SCHIP1: variants seen among roughly 807,000 people sequenced by gnomAD.
The protein encoded by SCHIP1 is schwannomin-interacting protein 1.
SCHIP1 carries 8 observed loss-of-function variants against 29.7 expected under a neutral mutation model. That is an observed-to-expected ratio of 0.27 (90% confidence interval 0.16 to 0.49). The LOEUF is 0.49. SCHIP1 is among the 20% of genes least tolerant of loss of function. SCHIP1 has a pLI of 0.99. For synonymous variants in SCHIP1, 76 were observed against 94.9 expected, an observed-to-expected ratio of 0.80 and a Z score of 1.16; for missense variants, 193 against 294.6, an observed-to-expected ratio of 0.66 and a Z score of 2.52.
the SCHIP1 span, among the ~76,000 whole-genome samples, chr3:159,759,044 G>A: frequency 6.6e-6 from 1 of 152,178 alleles, no homozygotes; most frequent in East Asian, 1.9e-4. Context: ...TCTTTTAAGT[G>A]CCATTTTGCC....
At chr3:159,422,463 TTTA>T in the SCHIP1 span, among the ~76,000 whole-genome samples, 1 of 152,212 alleles carries the variant, frequency 6.6e-6, no homozygotes, top group Non-Finnish European at 1.5e-5. Flanking sequence ...TATTAAATCT[TTTA>T]TTGACATTTG....
At chr3:159,760,151 C>CG in the SCHIP1 span, among the ~76,000 whole-genome samples, 1 of 152,136 alleles carries the variant, frequency 6.6e-6, no homozygotes, top group African/African-American at 2.4e-5. Context: ...AGTATCTATA[C>CG]TCTTCCTTTA....
At chr3:159,392,728 T>G in the SCHIP1 span, among the ~76,000 whole-genome samples, 41 of 152,160 alleles carry the variant, frequency 2.7e-4, no homozygotes, top group African/African-American at 8.9e-4. Flanking sequence ...GACATTTGGG[T>G]TGGTTCCAAG....
chr3:159,579,227 T>G, the SCHIP1 span, among the ~76,000 whole-genome samples: 3 of 152,216 alleles, frequency 2.0e-5, no homozygotes, highest in African/African-American at 7.2e-5. Flanking sequence ...GTATTGAAAA[T>G]AATGCAGAAT....
the SCHIP1 span, among the ~76,000 whole-genome samples, chr3:159,613,483 T>C: frequency 3.3e-5 from 5 of 152,396 alleles, no homozygotes; most frequent in Admixed American, 3.3e-4. Flanking sequence ...GTTATGTATA[T>C]CTGATCTCAC....
chr3:159,533,805 T>G, the SCHIP1 span, among the ~76,000 whole-genome samples: 17 of 152,328 alleles, frequency 1.1e-4, no homozygotes, highest in South Asian at 3.3e-3. Context: ...AATGTATCCC[T>G]AATTCTGGGG....
the SCHIP1 span, among the ~76,000 whole-genome samples, chr3:159,386,066 G>C: frequency 1.3e-5 from 2 of 152,148 alleles, no homozygotes; most frequent in Non-Finnish European, 2.9e-5. Context: ...TGGTGTATAT[G>C]TGCCACATTT....
At position 159,878,938 on chromosome 3, in the gene SCHIP1, A is replaced by G. The variant is rs185395944; in HGVS notation, c.150-7269A>G. Among the ~76,000 whole-genome samples the G allele has an allele frequency of 6.0e-5, 9 of 150,344 alleles. No individual in the cohort carries two copies. In the East Asian group the frequency reaches 1.7e-3, roughly 29 times the overall value. On this transcript the variant is annotated intron_variant, in intron 2 of 6. Transcript: ENST00000445224. Reference sequence around the variant, plus strand: ...AACTCTTTCACCAAAAAAAAAAAAGATGTATTTCCTGACTTTTTTTCTATG... The same window carrying G: ...AACTCTTTCACCAAAAAAAAAAAAGGTGTATTTCCTGACTTTTTTTCTATG...
chr3:159,712,101 A>T, the SCHIP1 span, among the ~76,000 whole-genome samples: 2 of 151,596 alleles, frequency 1.3e-5, no homozygotes, highest in African/African-American at 4.9e-5. Flanking sequence ...GCTACAAAAA[A>T]CCCCAAGGCA....
the SCHIP1 span, among the ~76,000 whole-genome samples, chr3:159,583,926 AG>A: frequency 6.6e-6 from 1 of 152,090 alleles, no homozygotes; most frequent in Non-Finnish European, 1.5e-5. Context: ...TTATTCTCTG[AG>A]GTATCCCAGA....
chr3:159,648,580 A>T, the SCHIP1 span, among the ~76,000 whole-genome samples: 4 of 152,114 alleles, frequency 2.6e-5, no homozygotes, highest in Non-Finnish European at 5.9e-5. Context: ...TGTATTGAAC[A>T]TTGCCTCATC....
chr3:159,327,011 A>C, the SCHIP1 span, among the ~76,000 whole-genome samples: 1 of 152,230 alleles, frequency 6.6e-6, no homozygotes, highest in East Asian at 1.9e-4. Flanking sequence ...TATGAGGATA[A>C]AGAATCTAAA....
chr3:159,490,911 A>G, the SCHIP1 span, among the ~76,000 whole-genome samples: 2 of 152,234 alleles, frequency 1.3e-5, no homozygotes, highest in Admixed American at 6.5e-5. Flanking sequence ...TCTGATTTTT[A>G]AGATACTTCT....
At chr3:159,560,436 A>C in the SCHIP1 span, among the ~76,000 whole-genome samples, 1 of 152,114 alleles carries the variant, frequency 6.6e-6, no homozygotes, top group Non-Finnish European at 1.5e-5. Context: ...AATTAAATGG[A>C]AAGTTTTTGA....
chr3:159,765,070 C>T, the SCHIP1 span: 56 of 1,566,434 alleles, frequency 3.6e-5, no homozygotes, highest in Non-Finnish European at 4.2e-5. Context: ...GGAGAAGCAT[C>T]TGGCCGGGCT....
At chr3:159,729,431 C>T in the SCHIP1 span, among the ~76,000 whole-genome samples, 16 of 152,152 alleles carry the variant, frequency 1.1e-4, 1 homozygote, top group South Asian at 2.9e-3. Context: ...TAATTATTTA[C>T]AGATGATATG....
exon 7 of SCHIP1, chr3:159,896,861 C>A: frequency 7.1e-7 from 1 of 1,399,696 alleles, no homozygotes; most frequent in Non-Finnish European, 9.6e-7. Context: ...GGCGCAGAAA[C>A]AAATATCAGT....
the SCHIP1 span, among the ~76,000 whole-genome samples, chr3:159,834,847 GTGTTTA>G: frequency 2.6e-5 from 4 of 152,108 alleles, no homozygotes; most frequent in African/African-American, 9.7e-5. Flanking sequence ...AATGAATCTC[GTGTTTA>G]GACCTGGGTA....
the SCHIP1 span, among the ~76,000 whole-genome samples, chr3:159,742,834 AT>A: frequency 0.032 from 3,523 of 110,882 alleles, 78 homozygotes; most frequent in African/African-American, 0.1. Flanking sequence ...CGCCTAGCTA[AT>A]TTTTTTTTTT....
Sources: allele counts gnomAD v4.1 joint callset (sites outside exome capture counted in the v4.1 genomes callset), GRCh38; gene constraint gnomAD v4.1.1; transcripts MANE v1.5; gene names NCBI Gene and HGNC (gene_info 2026-07-23, HGNC 2026-07-21).